Variants in EPB41 observed in about 807,000 individuals in gnomAD.
EPB41 encodes protein 4.1.
Under a neutral mutation model 108.0 loss-of-function variants are expected in EPB41, and 65 were observed. The ratio of observed to expected loss-of-function variants is 0.60; its 90% CI spans 0.49 to 0.74. The LOEUF (loss-of-function observed/expected upper bound fraction) is 0.74, where lower values mean the gene tolerates loss of function less well. Among genes scored for constraint, EPB41 ranks in the 30% least tolerant of loss-of-function variants. The pLI is 0.00. For synonymous variants in EPB41, 336 were observed against 358.9 expected, an observed-to-expected ratio of 0.94 and a Z score of 0.72; for missense variants, 875 against 1,037.0, an observed-to-expected ratio of 0.84 and a Z score of 2.15.
chr1:28,913,184 C>G (rs947819017), upstream of EPB41, among the ~76,000 whole-genome samples: 4 of 152,024 alleles, frequency 2.6e-5, no homozygotes, highest in African/African-American at 9.7e-5. Flanking sequence ...CGCGGTGGCT[C>G]AAGCCTGTAA....
At chr1:28,960,134 G>T (rs2930840) in intron 1 of EPB41, among the ~76,000 whole-genome samples, 47,337 of 150,904 alleles carry the variant, frequency 0.31, 8,941 homozygotes, top group East Asian at 0.85. Context: ...TCCCAGAAGC[G>T]GAGACTACAG....
chr1:28,936,885 G>A (rs2094053345), intron 1 of EPB41, among the ~76,000 whole-genome samples: 1 of 152,160 alleles, frequency 6.6e-6, no homozygotes, highest in South Asian at 2.1e-4. Context: ...TCATAAACAA[G>A]TTTTTATTTG....
intron 1 of EPB41, among the ~76,000 whole-genome samples, chr1:28,925,329 C>T (rs1331956828): frequency 1.3e-5 from 2 of 152,082 alleles, no homozygotes; most frequent in African/African-American, 4.8e-5. Flanking sequence ...CCATTTTGGT[C>T]TTGAACTCCT....
At chr1:28,887,165 C>A (rs1013268287), upstream of EPB41, 8 of 1,150,076 alleles carry the variant, frequency 7.0e-6, no homozygotes, top group African/African-American at 1.3e-4. The surrounding 1 kb of genome is among the most constrained non-coding windows in gnomAD (Gnocchi z 4.9). Context: ...GAGAGCGGCG[C>A]GGAGCCAGAA....
rs529553057 is a variant in EPB41 at position 29,009,544 on chromosome 1, A to G, written c.787-2321A>G. Among the ~76,000 whole-genome samples, 297 of 152,274 alleles carry G rather than the reference A, an allele frequency of 2.0e-3. 3 individuals are homozygous for G. Among genetic ancestry groups the G allele is most frequent in the African/African-American group, 6.7e-3 (280 of 41,552 alleles). ...ATGGAAAACATGAGTCTTCTATGGT[A>G]AGAAATACCTACTCCAAAGTGGTAA... On this transcript the variant is annotated intron_variant, in intron 4 of 20. Coordinates refer to ENST00000343067, the MANE Select transcript of EPB41 (RefSeq NM_001376013.1).
chr1:28,905,177 C>T (rs538567681), intron 1 of EPB41, among the ~76,000 whole-genome samples: 46 of 150,000 alleles, frequency 3.1e-4, no homozygotes, highest in Non-Finnish European at 5.0e-4. Context: ...CCAGCCGGGG[C>T]GACAGAGCAA....
chr1:29,041,659 A>G (rs1285314842), intron 11 of EPB41, among the ~76,000 whole-genome samples: 1 of 152,044 alleles, frequency 6.6e-6, no homozygotes, highest in African/African-American at 2.4e-5. Flanking sequence ...AAAAAAAAAA[A>G]GAAGCTCAGT....
intron 1 of EPB41, among the ~76,000 whole-genome samples, chr1:28,965,109 CATTT>C (rs2095327451): frequency 6.6e-6 from 1 of 151,970 alleles, no homozygotes; most frequent in South Asian, 2.1e-4. Context: ...GTTCAGTGAA[CATTT>C]ATGATGAATT....
At chr1:29,106,455 A>T (rs1265620803) in intron 17 of EPB41, among the ~76,000 whole-genome samples, 1 of 142,514 alleles carries the variant, frequency 7.0e-6, no homozygotes, top group Non-Finnish European at 1.5e-5. Flanking sequence ...TTTTTATTTT[A>T]TTTATTTATT....
chr1:28,903,775 G>A (rs1406968347), intron 1 of EPB41, among the ~76,000 whole-genome samples: 4 of 152,186 alleles, frequency 2.6e-5, no homozygotes, highest in Admixed American at 6.5e-5. Context: ...GGGAGGGGAA[G>A]TGAATTGCCT....
At chr1:29,073,344 T>G (rs1014943199) in intron 16 of EPB41, among the ~76,000 whole-genome samples, 7 of 152,114 alleles carry the variant, frequency 4.6e-5, no homozygotes, top group African/African-American at 1.7e-4. Context: ...AGAGGTTCAC[T>G]TAACTACTTG....
intron 7 of EPB41, among the ~76,000 whole-genome samples, chr1:29,027,357 G>A (rs1319249771): frequency 6.7e-6 from 1 of 148,478 alleles, no homozygotes; most frequent in African/African-American, 2.5e-5. Context: ...TTTTGAGATG[G>A]AGTTTCATTC....
At chr1:28,946,382 C>T (rs984044277) in intron 1 of EPB41, among the ~76,000 whole-genome samples, 3 of 152,092 alleles carry the variant, frequency 2.0e-5, no homozygotes, top group African/African-American at 7.2e-5. Context: ...GCTGGGATTA[C>T]AGGCGTGAGC....
chr1:29,112,427 T>C lies in EPB41; in HGVS notation c.2475T>C (p.Asp825=). ...RIEKRIVITG[D]ADIDHDQVLV... is the part of the protein sequence containing the mutation. ...AAAAGAGAATTGTGATCACAGGAGA[T>C]GCTGATATTGACCATGATCAGGTGG... Residue 825 remains aspartate, a synonymous_variant, in exon 19 of 21, where the codon GAT becomes GAC. Coordinates refer to ENST00000343067, the MANE Select transcript of EPB41 (RefSeq NM_001376013.1). The C allele has an allele frequency of 1.2e-6, 2 of 1,613,994 alleles. 1 individual carries two copies. The highest frequency in any genetic ancestry group is 2.2e-5 in the South Asian group (2 of 91,080).
chr1:29,046,136 T>C (rs552023307), intron 11 of EPB41, among the ~76,000 whole-genome samples: 1 of 151,950 alleles, frequency 6.6e-6, no homozygotes, highest in Non-Finnish European at 1.5e-5. Context: ...AATTTTATTT[T>C]TTTTTTGAGA....
chr1:29,091,413 G>T lies in EPB41; in HGVS notation c.2185-6394G>T, dbSNP rs1340379522. Among the ~76,000 whole-genome samples the T allele has an allele frequency of 4.6e-5, 7 of 152,118 alleles. No homozygotes were observed. In the East Asian group the frequency reaches 1.3e-3, roughly 29 times the overall value. On this transcript the variant is annotated intron_variant, in intron 16 of 20. Transcript: ENST00000343067. ...TTTAATACCAGCTGATCTATTTTTG[G>T]ACAGCTCTATAGCCACTTGCCTGAC...
intron 11 of EPB41, among the ~76,000 whole-genome samples, chr1:29,044,647 A>G (rs764935837): frequency 3.3e-5 from 5 of 152,014 alleles, no homozygotes; most frequent in Non-Finnish European, 7.4e-5. Flanking sequence ...TTCGAGACCA[A>G]CCAGGCTGAC....
intron 1 of EPB41, among the ~76,000 whole-genome samples, chr1:28,916,731 G>A (rs1050184064): frequency 6.6e-6 from 1 of 151,948 alleles, no homozygotes; most frequent in Non-Finnish European, 1.5e-5. Context: ...TTCCTTGTAT[G>A]TTTGAATTCA....
chr1:29,098,008 A>G (rs1235886262), intron 17 of EPB41, 73 bp downstream of exon 17: 7 of 1,603,354 alleles, frequency 4.4e-6, no homozygotes, highest in Non-Finnish European at 6.0e-6. Flanking sequence ...CAGAGTTTCT[A>G]GTCATTTATC....
Sources: allele counts gnomAD v4.1 joint callset (sites outside exome capture counted in the v4.1 genomes callset), GRCh38; gene constraint gnomAD v4.1.1; non-coding constraint Gnocchi (gnomAD v3.1); transcripts MANE v1.5; gene names NCBI Gene and HGNC (gene_info 2026-07-23, HGNC 2026-07-21).